The following LOC128462377 variants were observed in gnomAD, a reference collection of about 807,000 sequenced individuals.
the LOC128462377 span, chr16:89,323,382 G>C: frequency 7.9e-7 from 1 of 1,270,690 alleles, no homozygotes; most frequent in Non-Finnish European, 1.0e-6. Flanking sequence ...CATCTCAGTG[G>C]GCAAGGGGAG....
At chr16:89,395,044 A>T in the LOC128462377 span, among the ~76,000 whole-genome samples, 4 of 152,370 alleles carry the variant, frequency 2.6e-5, no homozygotes, top group Admixed American at 2.0e-4. Context: ...TCATCTTAAA[A>T]GTTCTGCAGG....
chr16:89,340,605 G>C, the LOC128462377 span, among the ~76,000 whole-genome samples: 10 of 152,188 alleles, frequency 6.6e-5, no homozygotes, highest in African/African-American at 2.4e-4. Flanking sequence ...AGAGATCTTG[G>C]TTAGACAAGG....
the LOC128462377 span, chr16:89,320,253 C>CAG: frequency 6.6e-6 from 1 of 152,264 alleles, no homozygotes; most frequent in Non-Finnish European, 1.5e-5. Flanking sequence ...GACCACACAA[C>CAG]AGAAGGCACC....
the LOC128462377 span, among the ~76,000 whole-genome samples, chr16:89,343,442 T>A: frequency 2.6e-5 from 4 of 152,264 alleles, no homozygotes; most frequent in South Asian, 6.2e-4. Flanking sequence ...TTTTTATGTG[T>A]AATCTCTTAA....
At chr16:89,322,130 C>T in the LOC128462377 span, among the ~76,000 whole-genome samples, 1 of 152,206 alleles carries the variant, frequency 6.6e-6, no homozygotes, top group African/African-American at 2.4e-5. Context: ...AAGTTCTACA[C>T]AAATTTTCAA....
the LOC128462377 span, among the ~76,000 whole-genome samples, chr16:89,374,691 G>A: frequency 6.6e-6 from 1 of 152,172 alleles, no homozygotes; most frequent in Non-Finnish European, 1.5e-5. Flanking sequence ...ATCGGGAAAA[G>A]CACTTCAACT....
chr16:89,389,744 T>C, the LOC128462377 span, among the ~76,000 whole-genome samples: 2 of 145,188 alleles, frequency 1.4e-5, no homozygotes, highest in African/African-American at 5.2e-5. Context: ...AAACACCGAG[T>C]GTGGCGGGGA....
At chr16:89,357,571 G>A in the LOC128462377 span, among the ~76,000 whole-genome samples, 1 of 152,154 alleles carries the variant, frequency 6.6e-6, no homozygotes, top group South Asian at 2.1e-4. Context: ...GTTGTACTTC[G>A]ACGTTCACAG....
chr16:89,389,264 A>G, the LOC128462377 span, among the ~76,000 whole-genome samples: 2 of 152,054 alleles, frequency 1.3e-5, no homozygotes, highest in East Asian at 1.9e-4. Flanking sequence ...GGCTCAAGCA[A>G]TCTTCCCACC....
At chr16:89,384,881 T>TTTTTTTTTTTTTTTTC in the LOC128462377 span, among the ~76,000 whole-genome samples, 1 of 19,758 alleles carries the variant, frequency 5.1e-5, no homozygotes, top group Non-Finnish European at 1.1e-4. Context: ...ATAGTTTTCT[T>TTTTTTTTTTTTTTTTC]TTTTTTTTTT....
the LOC128462377 span, among the ~76,000 whole-genome samples, chr16:89,414,798 A>C: frequency 6.6e-6 from 1 of 152,052 alleles, no homozygotes. Context: ...AGTCACGCCC[A>C]GATGGGAGAG....
the LOC128462377 span, among the ~76,000 whole-genome samples, chr16:89,415,262 T>C: frequency 3.0e-4 from 7 of 23,564 alleles, no homozygotes; most frequent in African/African-American, 1.2e-3. Context: ...CCAGCTATTC[T>C]TTTTTTTTTT....
the LOC128462377 span, among the ~76,000 whole-genome samples, chr16:89,337,523 G>A: frequency 4.1e-4 from 50 of 122,232 alleles, no homozygotes; most frequent in Non-Finnish European, 5.1e-4. Context: ...TACAAGCTCC[G>A]CCTCCCGGGT....
At chr16:89,408,945 G>A in the LOC128462377 span, among the ~76,000 whole-genome samples, 221 of 152,338 alleles carry the variant, frequency 1.5e-3, 1 homozygote, top group Middle Eastern at 0.01. Context: ...ACAGGCCGCT[G>A]TGGAGTGCGG....
chr16:89,345,512 C>T, the LOC128462377 span, among the ~76,000 whole-genome samples: 1 of 152,164 alleles, frequency 6.6e-6, no homozygotes, highest in Non-Finnish European at 1.5e-5. Flanking sequence ...CTCCAGTGGC[C>T]CCAGGCTCTC....
the LOC128462377 span, among the ~76,000 whole-genome samples, chr16:89,354,916 C>T: frequency 6.6e-6 from 1 of 152,096 alleles, no homozygotes; most frequent in East Asian, 1.9e-4. Flanking sequence ...GGCCTGGAAG[C>T]TCGTTCTTCT....
the LOC128462377 span, chr16:89,370,733 C>A: frequency 6.6e-6 from 1 of 152,388 alleles, no homozygotes; most frequent in Non-Finnish European, 1.5e-5. Flanking sequence ...ATCACGGTGA[C>A]TGCTGTGCTG....
chr16:89,386,312 T>C, the LOC128462377 span, among the ~76,000 whole-genome samples: 1 of 151,802 alleles, frequency 6.6e-6, no homozygotes, highest in African/African-American at 2.4e-5. Flanking sequence ...AGACAGACAA[T>C]GCACTAATTC....
chr16:89,381,331 CAAAAAAAA>C, the LOC128462377 span, among the ~76,000 whole-genome samples: 3 of 76,352 alleles, frequency 3.9e-5, no homozygotes, highest in African/African-American at 5.7e-5. Flanking sequence ...GACTCTGCTG[CAAAAAAAA>C]AAAAAAAAAA....
Sources: allele counts gnomAD v4.1 joint callset (sites outside exome capture counted in the v4.1 genomes callset), GRCh38; gene constraint gnomAD v4.1.1; transcripts MANE v1.5.